KITLG: variants seen among roughly 807,000 people sequenced by gnomAD.
The protein encoded by KITLG is KIT ligand.
Under a neutral mutation model 34.1 loss-of-function variants are expected in KITLG, and 13 were observed. The observed-to-expected ratio is 0.38, with a 90% CI of 0.25 to 0.61. The LOEUF is 0.61. Ranked by LOEUF, KITLG falls within the 20% of genes least tolerant of loss-of-function variation. KITLG has a pLI of 0.60. For synonymous variants in KITLG, 110 were observed against 104.0 expected (o/e 1.06, Z -0.35); for missense variants, 292 against 318.9 (o/e 0.92, Z 0.64).
chr12:88,504,864 G>C (rs11104909), intron 9 of KITLG, among the ~76,000 whole-genome samples: 1 of 151,124 alleles, frequency 6.6e-6, no homozygotes, highest in African/African-American at 2.4e-5. Context: ...GCAAACTATC[G>C]CAAGGACAGA....
In KITLG at chr12:88,496,082, T is replaced by TCCTTTAACTAA. The variant is rs1460366278; in HGVS notation, c.*1136_*1137insTTAGTTAAAGG. On this transcript the variant is annotated 3_prime_UTR_variant, in exon 10 of 10. Transcript: ENST00000644744. The stretch of plus-strand genomic sequence containing the variant: ...TTTTTAATTCATAAACCTTAATGAA[T>TCCTTTAACTAA]ATAGAGTGCCCGATTTTAACTAAAT... The TCCTTTAACTAA allele has an allele frequency of 6.6e-6, 1 of 152,176 alleles. No homozygotes were observed. The highest frequency in any genetic ancestry group is 2.4e-5 in the African/African-American group (1 of 41,446). The allele number at this position is 152,176 out of a possible 1,614,324, so 9.4% of individuals were successfully genotyped here. A position where few individuals can be genotyped will look rare whatever the true frequency, so the allele number is the denominator to read the frequency against.
intron 1 of KITLG, among the ~76,000 whole-genome samples, chr12:88,548,432 G>A (rs528298996): frequency 4.7e-5 from 7 of 147,950 alleles, no homozygotes; most frequent in East Asian, 2.0e-4. Flanking sequence ...CTAGCCTGGC[G>A]ACAAAAGCTA....
intron 9 of KITLG, among the ~76,000 whole-genome samples, chr12:88,500,967 A>C (rs551446984): frequency 6.6e-6 from 1 of 152,074 alleles, no homozygotes; most frequent in Admixed American, 6.5e-5. Flanking sequence ...ATTTGTAGAG[A>C]TGGGGTCTTC....
At chr12:88,534,645 TC>T (rs1460436211) in intron 2 of KITLG, 2 of 506,288 alleles carry the variant, frequency 4.0e-6, no homozygotes, top group African/African-American at 3.9e-5. Flanking sequence ...GGGATTACAG[TC>T]ATGAGCCACC....
intron 3 of KITLG, among the ~76,000 whole-genome samples, chr12:88,521,420 G>A (rs1054131375): frequency 2.6e-5 from 4 of 152,014 alleles, no homozygotes; most frequent in African/African-American, 9.7e-5. Flanking sequence ...ATTCCTCCAC[G>A]ATTATGATTA....
intron 1 of KITLG, among the ~76,000 whole-genome samples, chr12:88,571,531 T>G (rs986951034): frequency 6.6e-6 from 1 of 152,222 alleles, no homozygotes; most frequent in Non-Finnish European, 1.5e-5. Context: ...TTGCCAGTCA[T>G]GCACCAAACA....
At chr12:88,504,297 A>C (rs987557948) in intron 9 of KITLG, among the ~76,000 whole-genome samples, 1 of 152,168 alleles carries the variant, frequency 6.6e-6, no homozygotes, top group Non-Finnish European at 1.5e-5. Context: ...AAACTTTGGC[A>C]TCTCATATGC....
At chr12:88,545,909 T>C (rs752747512) in intron 1 of KITLG, 44 bp from the exon 2 acceptor site, 3 of 1,155,492 alleles carry the variant, frequency 2.6e-6, no homozygotes, top group Non-Finnish European at 3.9e-6. Context: ...TCAGTTAAGA[T>C]CTGTAATCAT....
At chr12:88,516,213 T>C (rs1869448691) in intron 5 of KITLG, 121 bp downstream of exon 5, 9 of 851,836 alleles carry the variant, frequency 1.1e-5, no homozygotes, top group Non-Finnish European at 1.4e-5. Flanking sequence ...GATATCTGCT[T>C]TTTTATTAGA....
At chr12:88,572,122 G>A (rs1871671499) in intron 1 of KITLG, among the ~76,000 whole-genome samples, 1 of 152,136 alleles carries the variant, frequency 6.6e-6, no homozygotes, top group African/African-American at 2.4e-5. Flanking sequence ...TTGACACATA[G>A]TACAGTAAAT....
chr12:88,577,979 A>G (rs1471285275), intron 1 of KITLG, among the ~76,000 whole-genome samples: 1 of 152,250 alleles, frequency 6.6e-6, no homozygotes, highest in African/African-American at 2.4e-5. Flanking sequence ...ATGTTTATAA[A>G]TGACTATTTA....
chr12:88,513,334 A>G (rs1251848593), intron 6 of KITLG, among the ~76,000 whole-genome samples: 3 of 149,982 alleles, frequency 2.0e-5, no homozygotes, highest in African/African-American at 4.9e-5. Context: ...ATAATTAACC[A>G]AAAAAAAAGG....
chr12:88,503,780 G>C (rs771583966), intron 9 of KITLG, among the ~76,000 whole-genome samples: 1 of 152,052 alleles, frequency 6.6e-6, no homozygotes, highest in African/African-American at 2.4e-5. Flanking sequence ...TTTATGTTCC[G>C]TGCATCCTGG....
chr12:88,550,788 T>G (rs2120926551), intron 1 of KITLG, among the ~76,000 whole-genome samples: 1 of 152,318 alleles, frequency 6.6e-6, no homozygotes, highest in Admixed American at 6.5e-5. Flanking sequence ...ACTTTAATAC[T>G]TTTGCAAATA....
chr12:88,518,030 C>T (rs1869515561), intron 4 of KITLG, among the ~76,000 whole-genome samples: 1 of 152,082 alleles, frequency 6.6e-6, no homozygotes, highest in Non-Finnish European at 1.5e-5. Flanking sequence ...ATTTATTTTG[C>T]TAGGTAGGGT....
At position 88,507,010 on chromosome 12, in the gene KITLG, A is replaced by G. The variant is rs749000112; in HGVS notation, c.714+18T>C. 3.8e-6 allele frequency: 5 copies of G among 1,301,542 alleles called. No homozygotes were observed. In the South Asian group the frequency reaches 5.9e-5, roughly 15 times the overall value. 80.6% of individuals were successfully genotyped at this position (1,301,542 alleles called of 1,614,324 possible). A position where few individuals can be genotyped will look rare whatever the true frequency, so the allele number is the denominator to read the frequency against. Reference sequence around the variant, plus strand: ...GTAAACATAGCATATTTTTAAAAAAAGGAATGGTACCACTTACCTTCCAGT... The same window carrying G: ...GTAAACATAGCATATTTTTAAAAAAGGGAATGGTACCACTTACCTTCCAGT... On this transcript the variant is annotated intron_variant, in intron 7 of 9. Coordinates refer to ENST00000644744, the MANE Select transcript of KITLG (RefSeq NM_000899.5).
chr12:88,522,149 A>T (rs1037155037), intron 3 of KITLG, among the ~76,000 whole-genome samples: 27 of 152,362 alleles, frequency 1.8e-4, no homozygotes, highest in African/African-American at 6.0e-4. Flanking sequence ...CCAAAGACCA[A>T]CAACAGAAAT....
At chr12:88,513,668 T>C (rs555856724) in intron 6 of KITLG, among the ~76,000 whole-genome samples, 1 of 151,734 alleles carries the variant, frequency 6.6e-6, no homozygotes, top group African/African-American at 2.4e-5. Flanking sequence ...TCAGAGATAA[T>C]GAGGGATATT....
intron 1 of KITLG, among the ~76,000 whole-genome samples, chr12:88,547,720 T>A (rs1870764212): frequency 6.6e-6 from 1 of 152,350 alleles, no homozygotes; most frequent in East Asian, 1.9e-4. Context: ...ATCTCAGAAA[T>A]GACCATAATC....
Sources: gnomAD v4.1 joint callset for allele counts (sites outside exome capture counted in the v4.1 genomes callset) on GRCh38, gnomAD v4.1.1 for gene constraint, MANE v1.5 for transcripts, NCBI Gene and HGNC (gene_info 2026-07-23, HGNC 2026-07-21) for gene names.